The following ADAMTS12 variants were observed in gnomAD, a reference collection of about 807,000 sequenced individuals.
ADAMTS12 encodes the protein ADAM metallopeptidase with thrombospondin type 1 motif 12, also known as A disintegrin and metalloproteinase with thrombospondin motifs 12.
In ADAMTS12, 118 loss-of-function variants were observed where a neutral mutation model predicts 167.8. The observed-to-expected ratio is 0.70, with a 90% CI of 0.61 to 0.82. ADAMTS12 has a LOEUF of 0.82. ADAMTS12 is among the 40% of genes least tolerant of loss of function. The pLI is 0.00. For synonymous variants in ADAMTS12, 704 were observed against 716.9 expected (o/e 0.98, Z 0.29); for missense variants, 1,916 against 1,998.8 (o/e 0.96, Z 0.79).
chr5:33,634,392 C>T (rs961555425), intron 12 of ADAMTS12, among the ~76,000 whole-genome samples: 7 of 152,178 alleles, frequency 4.6e-5, no homozygotes, highest in South Asian at 2.1e-4. Context: ...AACGGGAAGG[C>T]GGTGTGCACA....
At chr5:33,878,406 T>C (rs939424119) in intron 2 of ADAMTS12, among the ~76,000 whole-genome samples, 14 of 152,204 alleles carry the variant, frequency 9.2e-5, no homozygotes, top group Non-Finnish European at 1.3e-4. Flanking sequence ...CCCATCATCT[T>C]AACTAACACT....
At chr5:33,654,764 C>T (rs1561196897) in intron 7 of ADAMTS12, among the ~76,000 whole-genome samples, 1 of 152,088 alleles carries the variant, frequency 6.6e-6, no homozygotes, top group Non-Finnish European at 1.5e-5. Flanking sequence ...TTTTTTCTTT[C>T]CTTTGCTGTT....
intron 16 of ADAMTS12, among the ~76,000 whole-genome samples, chr5:33,610,844 A>G (rs1042851341): frequency 2.6e-5 from 4 of 152,202 alleles, no homozygotes; most frequent in Non-Finnish European, 4.4e-5. Flanking sequence ...AGGCAGGTGG[A>G]TCACTTGAGG....
At chr5:33,783,033 T>C (rs577706940) in intron 2 of ADAMTS12, among the ~76,000 whole-genome samples, 61 of 152,086 alleles carry the variant, frequency 4.0e-4, no homozygotes, top group Middle Eastern at 3.4e-3. Flanking sequence ...TATAAAATAA[T>C]TATCAAGAAA....
At chr5:33,708,083 C>A (rs1474966701) in intron 3 of ADAMTS12, among the ~76,000 whole-genome samples, 2 of 152,048 alleles carry the variant, frequency 1.3e-5, no homozygotes, top group African/African-American at 4.8e-5. Flanking sequence ...CTACAAGGAA[C>A]TTAAACAAAT....
intron 2 of ADAMTS12, among the ~76,000 whole-genome samples, chr5:33,756,640 C>T (rs543312817): frequency 5.2e-4 from 79 of 152,170 alleles, no homozygotes; most frequent in African/African-American, 1.9e-3. Context: ...AAGTGGCCTC[C>T]ATGAAGCCAA....
At chr5:33,705,873 C>T (rs1743183921) in intron 3 of ADAMTS12, among the ~76,000 whole-genome samples, 2 of 151,810 alleles carry the variant, frequency 1.3e-5, no homozygotes, top group Admixed American at 1.3e-4. Context: ...GAAGGCAATC[C>T]TCCTTAAATA....
intron 19 of ADAMTS12, among the ~76,000 whole-genome samples, chr5:33,562,662 C>T (rs1319392663): frequency 6.7e-6 from 1 of 148,248 alleles, no homozygotes. Context: ...GATGGAGTCT[C>T]ACCCTGTAGC....
chr5:33,569,083 G>A (rs1746169078), intron 19 of ADAMTS12, among the ~76,000 whole-genome samples: 1 of 152,262 alleles, frequency 6.6e-6, no homozygotes, highest in Admixed American at 6.5e-5. Context: ...GGTAAACAAA[G>A]CAGCCAGGAA....
At chr5:33,633,653 G>T (rs1029654410) in intron 12 of ADAMTS12, among the ~76,000 whole-genome samples, 5 of 151,996 alleles carry the variant, frequency 3.3e-5, no homozygotes, top group African/African-American at 1.2e-4. Flanking sequence ...CTTTCATGGT[G>T]CTCTGGAAGG....
chr5:33,862,113 A>G (rs1020505860), intron 2 of ADAMTS12, among the ~76,000 whole-genome samples: 2 of 152,224 alleles, frequency 1.3e-5, no homozygotes, highest in East Asian at 1.9e-4. Context: ...ATCACAATTA[A>G]AAGAACTAGA....
At chr5:33,597,712 C>T (rs1266892370) in intron 16 of ADAMTS12, among the ~76,000 whole-genome samples, 1 of 151,730 alleles carries the variant, frequency 6.6e-6, no homozygotes, top group African/African-American at 2.4e-5. Flanking sequence ...ATTCTGTTTT[C>T]AAGAGACAAG....
intron 22 of ADAMTS12, among the ~76,000 whole-genome samples, chr5:33,540,198 C>T (rs372276703): frequency 2.0e-5 from 3 of 152,256 alleles, no homozygotes; most frequent in East Asian, 1.9e-4. Context: ...CGGAGCCTTG[C>T]TCATTGCTAG....
chr5:33,837,735 T>A (rs2111579653), intron 2 of ADAMTS12, among the ~76,000 whole-genome samples: 1 of 152,276 alleles, frequency 6.6e-6, no homozygotes, highest in East Asian at 1.9e-4. Context: ...AGGAGACGGG[T>A]CCATGACAGT....
intron 13 of ADAMTS12, among the ~76,000 whole-genome samples, chr5:33,628,049 A>G (rs1739743561): frequency 6.6e-6 from 1 of 152,228 alleles, no homozygotes; most frequent in African/African-American, 2.4e-5. Flanking sequence ...AACCTTATCC[A>G]GAACTGGTGT....
In ADAMTS12 at chr5:33,534,916, T is replaced by G. The variant is rs567517179; in HGVS notation, c.4523A>C (p.Asp1508Ala). The G allele has an allele frequency of 1.2e-6, 2 of 1,614,104 alleles. No homozygotes were observed. Among genetic ancestry groups the G allele is most frequent in the African/African-American group, 1.3e-5 (1 of 75,028 alleles). The change falls in exon 23 of 24, where the codon GAC becomes GCC. Residue 1508 changes from aspartate to alanine, a missense_variant. Asp to Ala is a moderately radical substitution (Grantham distance 126). Coordinates refer to ENST00000504830, the MANE Select transcript of ADAMTS12 (RefSeq NM_030955.4). Reference protein sequence around the residue: ...CVPSEGNKTEDQDQCLCDHKP... With the variant: ...CVPSEGNKTEAQDQCLCDHKP... ...GTGATCACATAGACATTGGTCTTGG[T>G]CTTCAGTTTTATTGCCCTCTGAGGG...
At chr5:33,569,039 G>T (rs919473774) in intron 19 of ADAMTS12, among the ~76,000 whole-genome samples, 1 of 152,236 alleles carries the variant, frequency 6.6e-6, no homozygotes, top group African/African-American at 2.4e-5. Context: ...GCAAGGCTGG[G>T]GGAGGGGCAC....
chr5:33,891,969 A>G lies in ADAMTS12; in HGVS notation c.-113T>C. 1 of 1,392,268 alleles carries G rather than the reference A, an allele frequency of 7.2e-7. No individual in the cohort carries two copies. Among genetic ancestry groups the G allele is most frequent in the South Asian group, 1.4e-5 (1 of 69,414 alleles). The allele number at this position is 1,392,268 out of a possible 1,614,324, so 86.2% of individuals were successfully genotyped here. A position where few individuals can be genotyped will look rare whatever the true frequency, so the allele number is the denominator to read the frequency against. On this transcript the variant is annotated 5_prime_UTR_variant, in exon 1 of 24. Transcript: ENST00000504830. ...ATGCAGGGGTGCATGGTCAGGCGCG[A>G]GAAGGCAGCGACTGCAAAGCTGCCC... is the stretch of plus-strand genomic sequence containing the variant.
At chr5:33,828,554 C>T (rs1186475688) in intron 2 of ADAMTS12, among the ~76,000 whole-genome samples, 1 of 152,108 alleles carries the variant, frequency 6.6e-6, no homozygotes, top group Non-Finnish European at 1.5e-5. Flanking sequence ...TATGTTCCTA[C>T]CACTAAGTCA....
Sources: gnomAD v4.1 joint callset for allele counts (sites outside exome capture counted in the v4.1 genomes callset) on GRCh38, gnomAD v4.1.1 for gene constraint, MANE v1.5 for transcripts, NCBI Gene and HGNC (gene_info 2026-07-23, HGNC 2026-07-21) for gene names.